The following PIGK variants were observed in gnomAD, a reference collection of about 807,000 sequenced individuals.
PIGK encodes the protein GPI-anchor transamidase.
In PIGK, 42 loss-of-function variants were observed where a neutral mutation model predicts 50.6. The ratio of observed to expected loss-of-function variants is 0.83; its 90% CI spans 0.65 to 1.07. The LOEUF is 1.07. Ranked by LOEUF, PIGK falls within the 50% of genes least tolerant of loss-of-function variation. The probability of loss-of-function intolerance (pLI) is 0.00; values close to 1 mark genes in which losing one functional copy is unlikely to be tolerated. For synonymous variants in PIGK, 151 were observed against 156.0 expected, an observed-to-expected ratio of 0.97 and a Z score of 0.24; for missense variants, 448 against 488.7, an observed-to-expected ratio of 0.92 and a Z score of 0.78.
At chr1:77,147,068 T>C (rs1654785694) in intron 9 of PIGK, among the ~76,000 whole-genome samples, 1 of 151,486 alleles carries the variant, frequency 6.6e-6, no homozygotes, top group African/African-American at 2.4e-5. Context: ...ATAGGTTTAA[T>C]GGACTCACAG....
chr1:77,196,079 A>T (rs1015158436), intron 3 of PIGK, among the ~76,000 whole-genome samples: 9 of 152,182 alleles, frequency 5.9e-5, no homozygotes, highest in African/African-American at 2.2e-4. Flanking sequence ...AACATGTAGT[A>T]TCTGGTTTTC....
At chr1:77,167,256 C>T (rs541450874) in intron 4 of PIGK, among the ~76,000 whole-genome samples, 13 of 152,194 alleles carry the variant, frequency 8.5e-5, no homozygotes, top group Non-Finnish European at 1.8e-4. Context: ...AAGGCTGAGG[C>T]AGAAGGCTCA....
At chr1:77,097,433 C>T (rs913387206) in intron 10 of PIGK, among the ~76,000 whole-genome samples, 5 of 152,090 alleles carry the variant, frequency 3.3e-5, no homozygotes, top group African/African-American at 7.2e-5. Context: ...TCACATGTTG[C>T]GCCCGTGCTG....
At chr1:77,123,461 A>G (rs1448960308) in intron 9 of PIGK, among the ~76,000 whole-genome samples, 2 of 152,346 alleles carry the variant, frequency 1.3e-5, no homozygotes, top group African/African-American at 4.8e-5. Context: ...AAGAGCTTCA[A>G]GAACCTCTTA....
At chr1:77,197,308 A>T (rs1656059127) in intron 3 of PIGK, among the ~76,000 whole-genome samples, 1 of 152,226 alleles carries the variant, frequency 6.6e-6, no homozygotes, top group African/African-American at 2.4e-5. Context: ...ATGAATAGTG[A>T]CATTCTCAGG....
intron 9 of PIGK, among the ~76,000 whole-genome samples, chr1:77,137,821 C>A (rs551819993): frequency 2.6e-5 from 4 of 152,162 alleles, no homozygotes; most frequent in African/African-American, 4.8e-5. Flanking sequence ...CCAGGCTGGT[C>A]GTGAACTACT....
chr1:77,175,723 T>C (rs550729589), intron 3 of PIGK, among the ~76,000 whole-genome samples: 234 of 152,242 alleles, frequency 1.5e-3, no homozygotes, highest in African/African-American at 5.4e-3. Context: ...TGTGTAAACA[T>C]ATTGGCTACA....
chr1:77,152,686 C>CA (rs1404328081), intron 9 of PIGK, among the ~76,000 whole-genome samples: 3 of 150,382 alleles, frequency 2.0e-5, no homozygotes, highest in Admixed American at 6.6e-5. Flanking sequence ...AACAAAAAAA[C>CA]AAAAAAACAA....
intron 9 of PIGK, among the ~76,000 whole-genome samples, chr1:77,125,382 G>A (rs1167258942): frequency 6.6e-6 from 1 of 152,112 alleles, no homozygotes; most frequent in Non-Finnish European, 1.5e-5. Flanking sequence ...AATAACAGCA[G>A]CACTTTTTCC....
chr1:77,218,859 TGA>T (rs1396209742), intron 1 of PIGK, among the ~76,000 whole-genome samples: 1 of 152,120 alleles, frequency 6.6e-6, no homozygotes, highest in Non-Finnish European at 1.5e-5. Flanking sequence ...GCCAGAAACT[TGA>T]GAGTTTTAAT....
At chr1:77,092,656 A>G (rs559212557) in intron 10 of PIGK, among the ~76,000 whole-genome samples, 166 bp from the exon 11 acceptor site, 3 of 152,152 alleles carry the variant, frequency 2.0e-5, no homozygotes, top group Non-Finnish European at 4.4e-5. Context: ...GACTTCAGAC[A>G]GGGTAAATAT....
At position 77,158,514 on chromosome 1, in the gene PIGK, G is replaced by A. The variant is rs537622297; in HGVS notation, c.813+2781C>T. On this transcript the variant is annotated intron_variant, in intron 8 of 10. Transcript: ENST00000370812. ...GTATGGAGGGCTCAGAAGAAAACAG[G>A]AAGATGCGAAAAAGTCTGGAGCTTC... Among the ~76,000 whole-genome samples the A allele has an allele frequency of 2.6e-5, 4 of 152,210 alleles. No homozygotes were observed. The East Asian group carries it at 7.7e-4, about 29-fold the overall frequency.
intron 8 of PIGK, among the ~76,000 whole-genome samples, chr1:77,158,300 A>G (rs1461418384): frequency 6.6e-6 from 1 of 151,358 alleles, no homozygotes; most frequent in African/African-American, 2.4e-5. Flanking sequence ...TACAGGCATG[A>G]GCCACTGAGC....
chr1:77,178,438 A>G (rs1405326413), intron 3 of PIGK, among the ~76,000 whole-genome samples: 1 of 152,218 alleles, frequency 6.6e-6, no homozygotes, highest in Non-Finnish European at 1.5e-5. Context: ...AACAGACTTT[A>G]AATTCTCTTA....
intron 3 of PIGK, among the ~76,000 whole-genome samples, chr1:77,180,497 A>G (rs1655586795): frequency 6.6e-6 from 1 of 152,174 alleles, no homozygotes; most frequent in Non-Finnish European, 1.5e-5. Context: ...CCAAAATATG[A>G]GACAGGTCTC....
intron 10 of PIGK, among the ~76,000 whole-genome samples, chr1:77,098,345 T>G (rs539638632): frequency 6.6e-6 from 1 of 152,218 alleles, no homozygotes; most frequent in African/African-American, 2.4e-5. Context: ...AAATTTTTTT[T>G]TTTTTGAGAC....
chr1:77,103,942 G>C (rs905750958), intron 10 of PIGK, among the ~76,000 whole-genome samples: 26 of 151,220 alleles, frequency 1.7e-4, no homozygotes, highest in African/African-American at 6.3e-4. Flanking sequence ...TACACACTTA[G>C]AGAAATGGAC....
rs539710044 is a variant in PIGK at position 77,100,935 on chromosome 1, C to G, written c.1072-8445G>C. Reference sequence around the variant, plus strand: ...GAACCCTGAGCCTCAAATAAGATTACAGTCCTGGTGGATGCCTTGATTAAA... The same window carrying G: ...GAACCCTGAGCCTCAAATAAGATTAGAGTCCTGGTGGATGCCTTGATTAAA... On this transcript the variant is annotated intron_variant, in intron 10 of 10. Coordinates refer to ENST00000370812, the MANE Select transcript of PIGK (RefSeq NM_005482.3). Among the ~76,000 whole-genome samples, 5 of 152,284 alleles carry G rather than the reference C, an allele frequency of 3.3e-5. No individual in the cohort carries two copies. In the East Asian group the frequency reaches 9.6e-4, roughly 29 times the overall value.
At chr1:77,127,695 C>A (rs79793770) in intron 9 of PIGK, among the ~76,000 whole-genome samples, 20,040 of 152,122 alleles carry the variant, frequency 0.13, 1,545 homozygotes, top group East Asian at 0.36. Context: ...ATTAAAGACA[C>A]ATCATCTAGA....
Sources: allele counts gnomAD v4.1 joint callset (sites outside exome capture counted in the v4.1 genomes callset), GRCh38; gene constraint gnomAD v4.1.1; transcripts MANE v1.5; gene names NCBI Gene and HGNC (gene_info 2026-07-23, HGNC 2026-07-21).